Variants in SORCS3 observed in about 807,000 individuals in gnomAD.
The protein encoded by SORCS3 is VPS10 domain-containing receptor SorCS3.
Under a neutral mutation model 146.3 loss-of-function variants are expected in SORCS3, and 57 were observed. That is an observed-to-expected ratio of 0.39 (90% CI 0.31 to 0.49). SORCS3 has a LOEUF of 0.49. Among genes scored for constraint, SORCS3 ranks in the 20% least tolerant of loss-of-function variants. The pLI is 0.92. For synonymous variants in SORCS3, 653 were observed against 618.5 expected, an observed-to-expected ratio of 1.06 and a Z score of -0.83; for missense variants, 1,341 against 1,575.5, an observed-to-expected ratio of 0.85 and a Z score of 2.52.
chr10:104,717,057 G>A (rs2016487684), intron 1 of SORCS3, among the ~76,000 whole-genome samples: 1 of 152,200 alleles, frequency 6.6e-6, no homozygotes, highest in African/African-American at 2.4e-5. Flanking sequence ...GGAAGGCCAA[G>A]GCAGAAGAAT....
In SORCS3 at chr10:105,252,915, AAG is replaced by A; in HGVS notation, c.3237+10_3237+11del. On this transcript the variant is annotated intron_variant, in intron 23 of 26. Coordinates refer to ENST00000369701, the MANE Select transcript of SORCS3 (RefSeq NM_014978.3). ...AAGGGGACCTGGAACAAGTAAGTGA[AAG>A]TAAATCTGGCTGGGACCCTTGCCTG... 1 of 1,613,430 alleles carries A rather than the reference AAG, an allele frequency of 6.2e-7. No homozygotes were observed. Among genetic ancestry groups the A allele is most frequent in the South Asian group, 1.1e-5 (1 of 90,976 alleles).
At position 104,962,711 on chromosome 10, in the gene SORCS3, T is replaced by C. The variant is rs186156852; in HGVS notation, c.796-14624T>C. On this transcript the variant is annotated intron_variant, in intron 3 of 26. Transcript: ENST00000369701. ...GAAGGTATATGTATGTGTATATGTGTGTGTGTAGACAGATAATGTTTTATG... is the reference window on the plus strand; with the variant it reads ...GAAGGTATATGTATGTGTATATGTGCGTGTGTAGACAGATAATGTTTTATG... 1.7e-4 allele frequency among the ~76,000 whole-genome samples: 26 copies of C among 152,338 alleles called. No homozygotes were observed. The Middle Eastern group carries it at 0.024, about 140-fold the overall frequency.
At position 105,235,485 on chromosome 10, in the gene SORCS3, GT is replaced by G. The variant is rs796536889; in HGVS notation, c.2869-10045del. ...GTGTGTGTGTGTTTTGAAAACTCTG[GT>G]TTTTTTTTTTTAAACTCATAATGTG... On this transcript the variant is annotated intron_variant, in intron 20 of 26. Coordinates refer to ENST00000369701, the MANE Select transcript of SORCS3 (RefSeq NM_014978.3). Among the ~76,000 whole-genome samples the G allele has an allele frequency of 7.7e-4, 107 of 138,138 alleles. 1 individual carries two copies. The highest frequency in any genetic ancestry group is 2.7e-3 in the East Asian group (13 of 4,764). The allele number at this position is 138,138 out of a possible 152,430, so 90.6% of individuals were successfully genotyped here. A position where few individuals can be genotyped will look rare whatever the true frequency, so the allele number is the denominator to read the frequency against.
At chr10:105,034,866 CTT>C (rs2133698590) in intron 4 of SORCS3, among the ~76,000 whole-genome samples, 1 of 152,278 alleles carries the variant, frequency 6.6e-6, no homozygotes, top group South Asian at 2.1e-4. Context: ...ATTAAGGAGA[CTT>C]AAGTGGAAAC....
At chr10:105,020,511 T>A (rs921048196) in intron 4 of SORCS3, among the ~76,000 whole-genome samples, 15 of 152,152 alleles carry the variant, frequency 9.9e-5, no homozygotes, top group African/African-American at 3.6e-4. Flanking sequence ...TTGGGGATAG[T>A]AAGACCATAT....
At chr10:104,987,373 G>T (rs1230245122) in intron 4 of SORCS3, among the ~76,000 whole-genome samples, 1 of 151,892 alleles carries the variant, frequency 6.6e-6, no homozygotes, top group Non-Finnish European at 1.5e-5. Context: ...TCATTACATT[G>T]CTTTCATAAT....
In SORCS3 at chr10:105,168,074, T is replaced by G. The variant is rs1469861290; in HGVS notation, c.1901+725T>G. 2.0e-5 allele frequency among the ~76,000 whole-genome samples: 3 copies of G among 152,174 alleles called. No individual in the cohort carries two copies. In the East Asian group the frequency reaches 5.8e-4, roughly 29 times the overall value. On this transcript the variant is annotated intron_variant, in intron 13 of 26. Coordinates refer to ENST00000369701, the MANE Select transcript of SORCS3 (RefSeq NM_014978.3). ...CAATCAGATCAAGTCAGTTATGGAA[T>G]AAAAAACAACCTAGGATTAAGCAAT...
intron 1 of SORCS3, among the ~76,000 whole-genome samples, chr10:104,677,755 T>TATATCCCACCC (rs539814269): frequency 1.3e-5 from 2 of 152,012 alleles, no homozygotes; most frequent in Non-Finnish European, 2.9e-5. Context: ...ATATCCCACC[T>TATATCCCACCC]ATATCCCACC....
chr10:105,201,046 T>C (rs532481060), intron 15 of SORCS3, 74 bp from the exon 16 acceptor site: 2 of 1,541,110 alleles, frequency 1.3e-6, no homozygotes, highest in African/African-American at 2.7e-5. Flanking sequence ...AGGCTAATGC[T>C]TCTTGTTGAC....
chr10:104,646,703 G>A (rs1431529187), intron 1 of SORCS3, among the ~76,000 whole-genome samples: 1 of 152,156 alleles, frequency 6.6e-6, no homozygotes, highest in African/African-American at 2.4e-5. Flanking sequence ...TTCCCTTACA[G>A]GGAGAAAATG....
At chr10:104,941,124 G>C (rs532762650) in intron 3 of SORCS3, among the ~76,000 whole-genome samples, 45 of 152,286 alleles carry the variant, frequency 3.0e-4, no homozygotes, top group African/African-American at 1.0e-3. Context: ...GAGTACACTA[G>C]AGGTCACTTT....
At chr10:104,973,790 G>T (rs1231207686) in intron 3 of SORCS3, among the ~76,000 whole-genome samples, 3 of 144,596 alleles carry the variant, frequency 2.1e-5, no homozygotes, top group Non-Finnish European at 4.5e-5. Flanking sequence ...GTGATGTTAG[G>T]GTGTCAATTT....
intron 9 of SORCS3, among the ~76,000 whole-genome samples, chr10:105,152,352 T>G (rs1589657545): frequency 6.6e-6 from 1 of 152,314 alleles, no homozygotes; most frequent in East Asian, 1.9e-4. Context: ...TTTAATAATA[T>G]TTTTTATTTA....
intron 1 of SORCS3, among the ~76,000 whole-genome samples, chr10:104,822,513 T>G (rs1054286273): frequency 1.3e-5 from 2 of 152,216 alleles, no homozygotes; most frequent in Non-Finnish European, 2.9e-5. Context: ...GAGAGGGCTC[T>G]TAATCATCCA....
Position 105,097,277 on chromosome 10 carries a change from C to G in SORCS3, c.1093+7438C>G, listed in dbSNP as rs137890320. On this transcript the variant is annotated intron_variant, in intron 6 of 26. Coordinates refer to ENST00000369701, the MANE Select transcript of SORCS3 (RefSeq NM_014978.3). ...AAAGCATTAAATTATTATTTTTTGC[C>G]CTGGCAAGGTTTAAACAGGGCAAAG... Among the ~76,000 whole-genome samples, 25 of 152,232 alleles carry G rather than the reference C, an allele frequency of 1.6e-4. 1 individual carries two copies. In the East Asian group the frequency reaches 4.8e-3, roughly 29 times the overall value.
At chr10:104,729,755 C>T (rs532783105) in intron 1 of SORCS3, among the ~76,000 whole-genome samples, 2 of 152,320 alleles carry the variant, frequency 1.3e-5, no homozygotes, top group South Asian at 4.1e-4. Context: ...GAGAGTCCTG[C>T]CCTGGCACTG....
chr10:105,257,195 G>C (rs1228913733), intron 25 of SORCS3, among the ~76,000 whole-genome samples: 3 of 152,158 alleles, frequency 2.0e-5, no homozygotes, highest in Admixed American at 1.3e-4. Context: ...CAAGAGAAGT[G>C]TAAGGGGTTT....
Position 104,641,731 on chromosome 10 carries a change from A to G in SORCS3, c.404A>G (p.Gln135Arg). The G allele has an allele frequency of 6.5e-7, 1 of 1,544,178 alleles. No homozygotes were observed. ...LGGARRSRRAQPPITQERGDA... is the reference protein window; with the variant it reads ...LGGARRSRRARPPITQERGDA... ...GGCGCGAGGAGGAGTCGCCGGGCGC[A>G]GCCCCCAATCACCCAGGAACGCGGG... The change falls in exon 1 of 27, where the codon CAG becomes CGG. Residue 135 changes from glutamine (Q) to arginine (R), a missense_variant. Transcript: ENST00000369701. This position sits in a 1 kb window ranked among gnomAD's most constrained non-coding sequence, Gnocchi z 6.4.
At chr10:105,034,520 C>T (rs1442105297) in intron 4 of SORCS3, among the ~76,000 whole-genome samples, 1 of 152,094 alleles carries the variant, frequency 6.6e-6, no homozygotes, top group East Asian at 1.9e-4. Flanking sequence ...TTTCTGCATG[C>T]TTGACTGAAG....
Sources: gnomAD v4.1 joint callset for allele counts (sites outside exome capture counted in the v4.1 genomes callset) on GRCh38, gnomAD v4.1.1 for gene constraint, Gnocchi (gnomAD v3.1) non-coding constraint, MANE v1.5 for transcripts, NCBI Gene and HGNC (gene_info 2026-07-23, HGNC 2026-07-21) for gene names.